HMGA2: variants seen among roughly 807,000 people sequenced by gnomAD.
HMGA2 encodes the protein high mobility group AT-hook 2, also known as high mobility group protein HMGI-C.
In HMGA2, 8 loss-of-function variants were observed where a neutral mutation model predicts 19.1. The observed-to-expected ratio is 0.42, with a 90% CI of 0.25 to 0.76. HMGA2 has a LOEUF of 0.76. HMGA2 is among the 30% of genes least tolerant of loss of function. The pLI, the probability that HMGA2 is intolerant of heterozygous loss-of-function variation, is 0.28. For synonymous variants in HMGA2, 60 were observed against 48.8 expected, an observed-to-expected ratio of 1.23 and a Z score of -0.96; for missense variants, 109 against 136.3, an observed-to-expected ratio of 0.80 and a Z score of 1.00.
rs564894945 is a variant in HMGA2 at position 65,842,269 on chromosome 12, G to T, written c.249+3700G>T. On this transcript the variant is annotated intron_variant, in intron 3 of 4. Coordinates refer to ENST00000403681, the MANE Select transcript of HMGA2 (RefSeq NM_003483.6). ...ATCTGCAAAAGGTATATTTCTCATA[G>T]AGTTGTAAGGATTAAATGAGATAAT... is the stretch of plus-strand genomic sequence containing the variant. 13 of 564,864 alleles carry T rather than the reference G, an allele frequency of 2.3e-5. No individual in the cohort carries two copies. The African/African-American group carries it at 2.4e-4, about 11-fold the overall frequency. 35.0% of individuals were successfully genotyped at this position (564,864 alleles called of 1,614,324 possible).
intron 3 of HMGA2, among the ~76,000 whole-genome samples, chr12:65,840,836 C>T (rs535942261): frequency 8.5e-4 from 130 of 152,226 alleles, no homozygotes; most frequent in African/African-American, 2.9e-3. Flanking sequence ...AAATTGCAAG[C>T]GAATACAGTG....
intron 3 of HMGA2, among the ~76,000 whole-genome samples, chr12:65,933,994 C>A (rs1875807741): frequency 6.6e-6 from 1 of 152,148 alleles, no homozygotes; most frequent in African/African-American, 2.4e-5. Context: ...TCTGTAAACT[C>A]CTATATCAAC....
chr12:65,909,797 C>T (rs1456050273), intron 3 of HMGA2, among the ~76,000 whole-genome samples: 2 of 152,162 alleles, frequency 1.3e-5, no homozygotes, highest in Non-Finnish European at 2.9e-5. Flanking sequence ...TAGTTTTATA[C>T]CCTGCTTAGA....
chr12:65,955,358 C>T (rs1008559977), intron 4 of HMGA2: 2 of 151,984 alleles, frequency 1.3e-5, no homozygotes, highest in African/African-American at 4.8e-5. Flanking sequence ...TTAGAGGGTG[C>T]TTTGTTACTC....
At chr12:65,917,589 G>A (rs375178451) in intron 3 of HMGA2, among the ~76,000 whole-genome samples, 79 of 152,278 alleles carry the variant, frequency 5.2e-4, no homozygotes, top group Middle Eastern at 3.4e-3. Flanking sequence ...GTGCCTGTGA[G>A]CATCACTGAC....
intron 3 of HMGA2, chr12:65,857,957 C>T (rs1369745827): frequency 6.5e-6 from 1 of 152,808 alleles, no homozygotes; most frequent in East Asian, 1.9e-4. Flanking sequence ...GCAAAATGGC[C>T]TCAAATTTCC....
intron 3 of HMGA2, chr12:65,842,788 C>T: frequency 1.5e-6 from 2 of 1,374,760 alleles, no homozygotes; most frequent in Non-Finnish European, 1.9e-6. Flanking sequence ...TAATTATTTG[C>T]ATTTTTCTAT....
At chr12:65,890,388 G>GT (rs1340562111) in intron 3 of HMGA2, among the ~76,000 whole-genome samples, 1 of 152,092 alleles carries the variant, frequency 6.6e-6, no homozygotes, top group African/African-American at 2.4e-5. Context: ...TTAGCTTTTA[G>GT]TTTTTTCAAA....
At chr12:65,897,964 C>CAA (rs200954951) in intron 3 of HMGA2, among the ~76,000 whole-genome samples, 21 of 111,970 alleles carry the variant, frequency 1.9e-4, no homozygotes, top group Middle Eastern at 5.0e-3. Flanking sequence ...AACTCCATCT[C>CAA]AAAAAAAAAA....
chr12:65,928,135 G>T (rs1414160110), intron 3 of HMGA2, among the ~76,000 whole-genome samples: 1 of 151,824 alleles, frequency 6.6e-6, no homozygotes, highest in Non-Finnish European at 1.5e-5. Flanking sequence ...ACAGCCTACT[G>T]CACATCTAGG....
intron 3 of HMGA2, among the ~76,000 whole-genome samples, chr12:65,846,124 G>A (rs535017582): frequency 6.6e-6 from 1 of 152,180 alleles, no homozygotes; most frequent in African/African-American, 2.4e-5. Context: ...CTGTCCTCAG[G>A]AATCACTGAA....
intron 3 of HMGA2, among the ~76,000 whole-genome samples, chr12:65,893,291 C>A (rs1261019617): frequency 6.6e-6 from 1 of 152,166 alleles, no homozygotes; most frequent in African/African-American, 2.4e-5. Flanking sequence ...ACAGCTAAAA[C>A]CTAAGGCATT....
At chr12:65,854,434 G>A (rs1375415176) in intron 3 of HMGA2, among the ~76,000 whole-genome samples, 1 of 152,126 alleles carries the variant, frequency 6.6e-6, no homozygotes, top group Non-Finnish European at 1.5e-5. Context: ...TCTCAATTAG[G>A]ATGTTGACAT....
At chr12:65,910,945 G>A (rs912415912) in intron 3 of HMGA2, among the ~76,000 whole-genome samples, 1 of 152,204 alleles carries the variant, frequency 6.6e-6, no homozygotes, top group Non-Finnish European at 1.5e-5. Flanking sequence ...CAGTGGTTAA[G>A]AGAGGTGGTG....
At chr12:65,840,504 G>C (rs542403022) in intron 3 of HMGA2, among the ~76,000 whole-genome samples, 7 of 152,290 alleles carry the variant, frequency 4.6e-5, no homozygotes, top group Admixed American at 2.0e-4. Context: ...GGATAATCAG[G>C]CTTCTTACAT....
At chr12:65,883,312 T>C (rs1873517235) in intron 3 of HMGA2, among the ~76,000 whole-genome samples, 1 of 152,240 alleles carries the variant, frequency 6.6e-6, no homozygotes, top group Non-Finnish European at 1.5e-5. Flanking sequence ...CCAAAAGTGC[T>C]TTGCATCCTG....
At chr12:65,870,894 AG>A (rs1289033078) in intron 3 of HMGA2, among the ~76,000 whole-genome samples, 1 of 152,280 alleles carries the variant, frequency 6.6e-6, no homozygotes, top group East Asian at 1.9e-4. Flanking sequence ...ACCATGGGTG[AG>A]GGGGTGGATG....
intron 3 of HMGA2, among the ~76,000 whole-genome samples, chr12:65,899,475 A>G (rs1480414879): frequency 3.9e-5 from 6 of 152,220 alleles, no homozygotes; most frequent in African/African-American, 7.2e-5. Context: ...GCCTTGTGAT[A>G]TGATAATTGC....
chr12:65,920,522 C>T (rs928926325), intron 3 of HMGA2, among the ~76,000 whole-genome samples: 1 of 152,178 alleles, frequency 6.6e-6, no homozygotes, highest in Admixed American at 6.5e-5. Flanking sequence ...TTGTATCTCC[C>T]AGAATTCCCA....
Sources: gnomAD v4.1 joint callset for allele counts (sites outside exome capture counted in the v4.1 genomes callset) on GRCh38, gnomAD v4.1.1 for gene constraint, MANE v1.5 for transcripts, NCBI Gene and HGNC (gene_info 2026-07-23, HGNC 2026-07-21) for gene names.